Variants in ZNF875 observed in about 807,000 individuals in gnomAD.
ZNF875 encodes HKR1, GLI-Kruppel zinc finger family member.
In ZNF875, 14 loss-of-function variants were observed where a neutral mutation model predicts 11.2. The ratio of observed to expected loss-of-function variants is 1.26; its 90% CI spans 0.83 to 1.96. The LOEUF is 1.96. ZNF875 is among the 30% of genes most tolerant of loss of function. The pLI is 0.00. For synonymous variants in ZNF875, 301 were observed against 281.1 expected (o/e 1.07, Z -0.71); for missense variants, 752 against 760.4 (o/e 0.99, Z 0.13).
At chr19:37,333,063 G>GT (rs2033649208), upstream of ZNF875, among the ~76,000 whole-genome samples, 1 of 152,100 alleles carries the variant, frequency 6.6e-6, no homozygotes. Context: ...CCCTTTCACT[G>GT]TTTATCACTT....
At chr19:37,351,832 A>C (rs552483122) in intron 4 of ZNF875, among the ~76,000 whole-genome samples, 1 of 152,324 alleles carries the variant, frequency 6.6e-6, no homozygotes, top group South Asian at 2.1e-4. Flanking sequence ...ATGGCACAGC[A>C]TATGATCTAT....
At chr19:37,316,375 A>G (rs999136838), upstream of ZNF875, among the ~76,000 whole-genome samples, 7 of 151,988 alleles carry the variant, frequency 4.6e-5, no homozygotes, top group African/African-American at 1.7e-4. Flanking sequence ...TTATTTGTTT[A>G]TTTATTTTTT....
chr19:37,350,000 T>C (rs1355918756), intron 4 of ZNF875, among the ~76,000 whole-genome samples: 10 of 142,090 alleles, frequency 7.0e-5, no homozygotes, highest in African/African-American at 2.1e-4. Context: ...GAGTCTCGCT[T>C]TGTTGCCAGG....
At chr19:37,334,577 A>G, upstream of ZNF875, 2 of 395,006 alleles carry the variant, frequency 5.1e-6, no homozygotes, top group Non-Finnish European at 1.0e-5. Context: ...CGAAACTACA[A>G]TCCCCAGAGG....
intron 4 of ZNF875, 64 bp from the exon 5 acceptor site, chr19:37,362,045 G>A: frequency 9.7e-7 from 1 of 1,027,872 alleles, no homozygotes; most frequent in Non-Finnish European, 1.5e-6. Flanking sequence ...TGACCAGTGG[G>A]CAAGGCAAAA....
chr19:37,353,260 A>G (rs2038268547), intron 4 of ZNF875, among the ~76,000 whole-genome samples: 1 of 152,184 alleles, frequency 6.6e-6, no homozygotes, highest in Admixed American at 6.5e-5. Context: ...AGGGCTTACA[A>G]TATGTATTTT....
At chr19:37,345,169 C>T (rs1045409627) in intron 2 of ZNF875, 2 of 176,388 alleles carry the variant, frequency 1.1e-5, no homozygotes, top group East Asian at 2.6e-4. Flanking sequence ...CCTGGTTTTA[C>T]GGATTTGTGG....
Position 37,363,207 on chromosome 19 carries a change from G to A in ZNF875, c.1355G>A (p.Cys452Tyr). ...CACTCAGGGGTTAAACCTTATGTCT[G>A]CCTGGAGTGCGGGCAGTGCTTTAGC... ...RTHSGVKPYV[C>Y]LECGQCFSLK... Residue 452 changes from cysteine to tyrosine, a missense_variant, in exon 5 of 5, where the codon TGC (cysteine) becomes TAC (tyrosine). Coordinates refer to ENST00000392153, the MANE Select transcript of ZNF875 (RefSeq NM_001353803.2). 1.2e-6 allele frequency: 2 copies of A among 1,613,972 alleles called. No individual in the cohort carries two copies. The highest frequency in any genetic ancestry group is 1.1e-5 in the South Asian group (1 of 91,074).
chr19:37,363,475 A>G lies in ZNF875; in HGVS notation c.1623A>G (p.Arg541=). Residue 541 remains arginine (R), a synonymous_variant, in exon 5 of 5, where the codon AGA becomes AGG. Coordinates refer to ENST00000392153, the MANE Select transcript of ZNF875 (RefSeq NM_001353803.2). ...EKPFMCRECG[R]RFRQKPNLFR... ...CTTTTATGTGCAGGGAGTGTGGCAG[A>G]AGGTTTCGGCAGAAGCCTAACCTGT... is the stretch of plus-strand genomic sequence containing the variant. 1.2e-6 allele frequency: 2 copies of G among 1,613,722 alleles called. No homozygotes were observed. Among genetic ancestry groups the G allele is most frequent in the Non-Finnish European group, 1.7e-6 (2 of 1,179,804 alleles).
At chr19:37,358,147 T>C in intron 4 of ZNF875, 1 of 372,664 alleles carries the variant, frequency 2.7e-6, no homozygotes, top group Non-Finnish European at 4.7e-6. Context: ...TTTTTTTTTT[T>C]TTTTTTTTTT....
chr19:37,346,897 C>G, intron 2 of ZNF875: 1 of 247,056 alleles, frequency 4.0e-6, no homozygotes, highest in Non-Finnish European at 7.9e-6. Flanking sequence ...GAGTTTTGCT[C>G]TTGTTGCCCA....
rs1244025568 is a variant in ZNF875 at position 37,364,240 on chromosome 19, CTGCTGTGCCCACCTTTTGAGTGGTGCCTT to C, written c.*469_*497del. On this transcript the variant is annotated 3_prime_UTR_variant, in exon 5 of 5. Coordinates refer to ENST00000392153, the MANE Select transcript of ZNF875 (RefSeq NM_001353803.2). ...TGCCCTTTCCTAATTGGTTTTTACA[CTGCTGTGCCCACCTTTTGAGTGGTGCCTT>C]TGCATACTTACAAATCAGTCAACGT... 2.4e-5 allele frequency: 4 copies of C among 165,434 alleles called. No homozygotes were observed. The allele number at this position is 165,434 out of a possible 1,614,324, so 10.2% of individuals were successfully genotyped here.
chr19:37,343,104 C>T (rs922905544), intron 2 of ZNF875, among the ~76,000 whole-genome samples: 5 of 151,982 alleles, frequency 3.3e-5, no homozygotes, highest in Admixed American at 6.6e-5. Flanking sequence ...TTTGGGAGGC[C>T]GAGGCGGGCG....
upstream of ZNF875, among the ~76,000 whole-genome samples, chr19:37,333,354 C>T (rs529392921): frequency 6.6e-6 from 1 of 151,998 alleles, no homozygotes; most frequent in South Asian, 2.1e-4. Flanking sequence ...CTGTGACAAG[C>T]ATTCTACATT....
At position 37,363,854 on chromosome 19, in the gene ZNF875, G is replaced by C; in HGVS notation, c.*79G>C. On this transcript the variant is annotated 3_prime_UTR_variant, in exon 5 of 5. Transcript: ENST00000392153. ...CATCAGACACCAGAGGACACACACAGTGCTGTGGCTTTTTCAGCCATTGCT... is the reference window on the plus strand; with the variant it reads ...CATCAGACACCAGAGGACACACACACTGCTGTGGCTTTTTCAGCCATTGCT... 4 of 1,251,834 alleles carry C rather than the reference G, an allele frequency of 3.2e-6. No homozygotes were observed. Among genetic ancestry groups the C allele is most frequent in the Non-Finnish European group, 4.6e-6 (4 of 878,144 alleles). The allele number at this position is 1,251,834 out of a possible 1,614,324, so 77.5% of individuals were successfully genotyped here.
At position 37,363,782 on chromosome 19, in the gene ZNF875, T is replaced by C. The variant is rs1353870088; in HGVS notation, c.*7T>C. ...GAGGACACACTCAGGATAGAAACTT[T>C]ATGTGTATAGGGAATGTGGTACAGC... On this transcript the variant is annotated 3_prime_UTR_variant, in exon 5 of 5. Transcript: ENST00000392153. 1.9e-6 allele frequency: 3 copies of C among 1,609,564 alleles called. No individual in the cohort carries two copies. The highest frequency in any genetic ancestry group is 2.6e-6 in the Non-Finnish European group (3 of 1,176,254).
upstream of ZNF875, among the ~76,000 whole-genome samples, chr19:37,334,276 G>A (rs1333754139): frequency 2.0e-5 from 3 of 152,200 alleles, no homozygotes; most frequent in Admixed American, 6.5e-5. Context: ...CCTGGCACCT[G>A]CTCAGGGAAG....
intron 2 of ZNF875, among the ~76,000 whole-genome samples, chr19:37,343,074 C>T (rs2036058725): frequency 6.6e-6 from 1 of 152,180 alleles, no homozygotes; most frequent in African/African-American, 2.4e-5. Context: ...TACAGTGGCT[C>T]TCACCTGTAA....
rs778623168 is a variant in ZNF875 at position 37,363,190 on chromosome 19, G to T, written c.1338G>T (p.Gly446=). 10 of 1,613,614 alleles carry T rather than the reference G, an allele frequency of 6.2e-6. No homozygotes were observed. In the East Asian group the frequency reaches 1.1e-4, roughly 18 times the overall value. The change falls in exon 5 of 5, where the codon GGG becomes GGT. Residue 446 remains glycine (G), a synonymous_variant. Coordinates refer to ENST00000392153, the MANE Select transcript of ZNF875 (RefSeq NM_001353803.2). ...AAACACACCAGAGGACACACTCAGG[G>T]GTTAAACCTTATGTCTGCCTGGAGT... The part of the protein sequence containing the change: ...NLKTHQRTHS[G]VKPYVCLECG...
Sources: allele counts gnomAD v4.1 joint callset (sites outside exome capture counted in the v4.1 genomes callset), GRCh38; gene constraint gnomAD v4.1.1; transcripts MANE v1.5; gene names NCBI Gene and HGNC (gene_info 2026-07-23, HGNC 2026-07-21).